Variants in ERCC1 observed in about 807,000 individuals in gnomAD.
ERCC1 encodes ERCC excision repair 1, endonuclease non-catalytic subunit.
A neutral mutation model predicts 37.6 loss-of-function variants in ERCC1; 36 were observed. That is an observed-to-expected ratio of 0.96 (90% CI 0.73 to 1.26). The LOEUF is 1.26. Ranked by LOEUF, ERCC1 falls within the 50% of genes most tolerant of loss-of-function variation. The pLI is 0.00. For missense variants in ERCC1, 349 were observed against 376.5 expected (o/e 0.93, Z 0.60); for synonymous variants, 156 against 162.1 (o/e 0.96, Z 0.28).
chr19:45,450,059 T>G (rs912024764), intron 1 of ERCC1, among the ~76,000 whole-genome samples: 3 of 152,234 alleles, frequency 2.0e-5, no homozygotes, highest in African/African-American at 4.8e-5. Flanking sequence ...TATTATGTAC[T>G]AAGTGCTTTA....
At chr19:45,428,323 T>C (rs1384511543), upstream of ERCC1, among the ~76,000 whole-genome samples, 1 of 151,762 alleles carries the variant, frequency 6.6e-6, no homozygotes, top group East Asian at 1.9e-4. Flanking sequence ...GGTCTCGAAC[T>C]CCTGGGCTCA....
At chr19:45,414,529 G>A in intron 7 of ERCC1, 1 of 393,350 alleles carries the variant, frequency 2.5e-6, no homozygotes, top group South Asian at 2.3e-5. Context: ...AACAGAAGGG[G>A]CAAGTGCTTG....
At chr19:45,413,114 C>T (rs1013029929) in intron 9 of ERCC1, among the ~76,000 whole-genome samples, 3 of 152,184 alleles carry the variant, frequency 2.0e-5, no homozygotes, top group Non-Finnish European at 4.4e-5. Context: ...GGGCATTACT[C>T]AAGAAATCTC....
At chr19:45,441,807 A>G (rs1332478709) in intron 1 of ERCC1, among the ~76,000 whole-genome samples, 1 of 151,076 alleles carries the variant, frequency 6.6e-6, no homozygotes, top group Non-Finnish European at 1.5e-5. Flanking sequence ...CCTCCCAAGT[A>G]GCTGGGACTA....
At chr19:45,413,869 G>C (rs1181043589) in intron 8 of ERCC1, 94 bp downstream of exon 8, 21 of 1,568,182 alleles carry the variant, frequency 1.3e-5, no homozygotes, top group East Asian at 2.2e-5. Context: ...GACGGGCAAG[G>C]GGTGGGCAGG....
At chr19:45,423,655 G>A (rs1974580871) in intron 1 of ERCC1, 126 bp downstream of exon 1, 11 of 1,281,078 alleles carry the variant, frequency 8.6e-6, no homozygotes, top group Non-Finnish European at 3.0e-6. Flanking sequence ...CCCGCCTTCC[G>A]TTCGTCCGGC....
At chr19:45,413,781 C>G (rs755401175) in intron 8 of ERCC1, 36 bp from the exon 9 acceptor site, 2 of 1,611,348 alleles carry the variant, frequency 1.2e-6, no homozygotes, top group Non-Finnish European at 1.7e-6. Flanking sequence ...GGCAGTTGAG[C>G]ACAAAAGCCT....
In ERCC1 at chr19:45,408,673, A is replaced by C. The variant is rs1599792424; in HGVS notation, c.*1002T>G. ...CAGGGCCTGTGGGGACAGAGCCCAC[A>C]GTGGAGACACTGGAGCCTCTGGGAG... is the stretch of plus-strand genomic sequence containing the variant. On this transcript the variant is annotated 3_prime_UTR_variant, in exon 10 of 10. Coordinates refer to ENST00000300853, the MANE Select transcript of ERCC1 (RefSeq NM_001983.4). 2.5e-6 allele frequency: 4 copies of C among 1,613,896 alleles called. No individual in the cohort carries two copies. In the African/African-American group the frequency reaches 4.0e-5, roughly 16 times the overall value.
At chr19:45,442,190 C>A (rs1975138096) in intron 1 of ERCC1, among the ~76,000 whole-genome samples, 1 of 151,056 alleles carries the variant, frequency 6.6e-6, no homozygotes, top group Non-Finnish European at 1.5e-5. Flanking sequence ...GTGGCATGCA[C>A]CTGTGGTCCC....
chr19:45,414,008 C>T lies in ERCC1; in HGVS notation c.729G>A (p.Lys243=), dbSNP rs752111710. 3 of 1,613,630 alleles carry T rather than the reference C, an allele frequency of 1.9e-6. No individual in the cohort carries two copies. Among genetic ancestry groups the T allele is most frequent in the East Asian group, 2.2e-5 (1 of 44,874 alleles). ...SRVTECLTTV[K]SVNKTDSQTL... is the part of the protein sequence containing the mutation. ...TCTGACTGTCCGTTTTGTTGACTGA[C>T]TTCACGGTGGTCAGACATTCAGTCA... is the stretch of plus-strand genomic sequence containing the variant. The change falls in exon 8 of 10, where the codon AAG becomes AAA. Residue 243 remains lysine (K), a synonymous_variant. Transcript: ENST00000300853.
upstream of ERCC1, chr19:45,424,314 C>T (rs1473313563): frequency 6.5e-6 from 1 of 153,308 alleles, no homozygotes; most frequent in Admixed American, 6.5e-5. Flanking sequence ...ACGACAGCCC[C>T]GTGTTGTCCT....
Position 45,408,414 on chromosome 19 carries a change from T to C in ERCC1, c.*1261A>G, listed in dbSNP as rs1374818554. The C allele has an allele frequency of 4.3e-6, 7 of 1,613,592 alleles. No individual in the cohort carries two copies. The highest frequency in any genetic ancestry group is 5.9e-6 in the Non-Finnish European group (7 of 1,179,846). Reference sequence around the variant, plus strand: ...ATCCCTCCTGGCCTGAGGCCTCGGTTCTGTGCCTTTGGGGGCAACCCACCA... The same window carrying C: ...ATCCCTCCTGGCCTGAGGCCTCGGTCCTGTGCCTTTGGGGGCAACCCACCA... On this transcript the variant is annotated 3_prime_UTR_variant, in exon 10 of 10. Coordinates refer to ENST00000300853, the MANE Select transcript of ERCC1 (RefSeq NM_001983.4).
At chr19:45,425,082 AT>A (rs35314737), upstream of ERCC1, among the ~76,000 whole-genome samples, 204 of 116,932 alleles carry the variant, frequency 1.7e-3, no homozygotes, top group Middle Eastern at 0.01. Flanking sequence ...TGCCCGGCTA[AT>A]TTTTTTTTTT....
chr19:45,428,305 C>T (rs1974752333), upstream of ERCC1, among the ~76,000 whole-genome samples: 1 of 151,370 alleles, frequency 6.6e-6, no homozygotes, highest in South Asian at 2.1e-4. Context: ...CTCACTATAG[C>T]CCAGGCTGGT....
chr19:45,423,783 G>T lies in ERCC1; in HGVS notation c.-10C>A. ...CCCGCAGTCTCCGCCTCCCGCACCT[G>T]TGGTCCGGGCCTCACGGTTTCAGCG... On this transcript the variant is annotated splice_region_variant and 5_prime_UTR_variant, in exon 1 of 10. Transcript: ENST00000300853. 1 of 1,141,102 alleles carries T rather than the reference G, an allele frequency of 8.8e-7. No homozygotes were observed. Among genetic ancestry groups the T allele is most frequent in the Non-Finnish European group, 1.1e-6 (1 of 921,562 alleles). The allele number at this position is 1,141,102 out of a possible 1,614,324, so 70.7% of individuals were successfully genotyped here.
intron 1 of ERCC1, among the ~76,000 whole-genome samples, chr19:45,431,600 C>G (rs1458089431): frequency 6.7e-6 from 1 of 150,342 alleles, no homozygotes; most frequent in Non-Finnish European, 1.5e-5. Flanking sequence ...TCACTTGAAC[C>G]CAGGAGGTGG....
chr19:45,443,500 G>C (rs1975173168), intron 1 of ERCC1, among the ~76,000 whole-genome samples: 8 of 152,138 alleles, frequency 5.3e-5, no homozygotes, highest in Admixed American at 5.2e-4. Context: ...TCGCGCCGTT[G>C]GTGGACTCCG....
chr19:45,421,599 T>C (rs1974434212), intron 2 of ERCC1, among the ~76,000 whole-genome samples: 1 of 151,534 alleles, frequency 6.6e-6, no homozygotes, highest in Non-Finnish European at 1.5e-5. Flanking sequence ...CCCAAGTAGC[T>C]GGGATTACAG....
At chr19:45,441,907 C>A (rs1975129845) in intron 1 of ERCC1, among the ~76,000 whole-genome samples, 1 of 151,984 alleles carries the variant, frequency 6.6e-6, no homozygotes, top group Non-Finnish European at 1.5e-5. Flanking sequence ...TGGTCTCGAT[C>A]TCCTGACCTC....
Sources: gnomAD v4.1 joint callset for allele counts (sites outside exome capture counted in the v4.1 genomes callset) on GRCh38, gnomAD v4.1.1 for gene constraint, MANE v1.5 for transcripts, NCBI Gene and HGNC (gene_info 2026-07-23, HGNC 2026-07-21) for gene names.